STYXL2: variants seen among roughly 807,000 people sequenced by gnomAD.
The protein encoded by STYXL2 is serine/threonine/tyrosine-interacting-like protein 2.
In STYXL2, 44 loss-of-function variants were observed where a neutral mutation model predicts 52.4. That is an observed-to-expected ratio of 0.84 (90% CI 0.66 to 1.08). The LOEUF (loss-of-function observed/expected upper bound fraction) is 1.08. Among genes scored for constraint, STYXL2 ranks in the 50% least tolerant of loss-of-function variants. The probability of loss-of-function intolerance (pLI) is 0.00; values close to 1 mark genes in which losing one functional copy is unlikely to be tolerated. For synonymous variants in STYXL2, 604 were observed against 586.9 expected, an observed-to-expected ratio of 1.03 and a Z score of -0.42; for missense variants, 1,604 against 1,471.7, an observed-to-expected ratio of 1.09 and a Z score of -1.47.
At chr1:167,124,776 T>C (rs4657633) in intron 5 of STYXL2, among the ~76,000 whole-genome samples, 34,258 of 152,104 alleles carry the variant, frequency 0.23, 4,784 homozygotes, top group East Asian at 0.73. Context: ...TTGACGGATG[T>C]AAAAGATAAC....
At chr1:167,117,675 G>A (rs1667758005) in intron 4 of STYXL2, 116 bp downstream of exon 4, 2 of 924,334 alleles carry the variant, frequency 2.2e-6, no homozygotes, top group Non-Finnish European at 3.2e-6. Context: ...AGCACAATGA[G>A]GCTGCCTAGC....
chr1:167,126,558 C>A lies in STYXL2; in HGVS notation c.1427C>A (p.Thr476Asn), dbSNP rs776871803. ...GCAGACTCGATGTCCTCGGAGAGCA[C>A]CTGGGACGCATGGAACGAGAGGCTG... ...RRADSMSSES[T>N]WDAWNERLLE... The change falls in exon 6 of 6, where the codon ACC (threonine) becomes AAC (asparagine). Residue 476 changes from threonine to asparagine, a missense_variant. By Grantham distance (65) the Thr-to-Asn change is moderately conservative. Coordinates refer to ENST00000361200, the MANE Select transcript of STYXL2 (RefSeq NM_001080426.3). The A allele has an allele frequency of 3.7e-6, 6 of 1,613,772 alleles. No homozygotes were observed. Among genetic ancestry groups the A allele is most frequent in the Admixed American group, 1.7e-5 (1 of 59,996 alleles).
At chr1:167,102,697 T>G (rs957153633) in intron 2 of STYXL2, among the ~76,000 whole-genome samples, 11 of 152,186 alleles carry the variant, frequency 7.2e-5, no homozygotes, top group Non-Finnish European at 1.6e-4. Flanking sequence ...AAATCCTGTA[T>G]TCTAAGAAGC....
rs771122589 is a variant in STYXL2 at position 167,126,877 on chromosome 1, C to T, written c.1746C>T (p.Ser582=). The stretch of plus-strand genomic sequence containing the variant: ...AGGCAGTAGGGGAGAAGAACCCCTC[C>T]GACGTCAGCCTGACAGCCTACCAGG... ...AEEAVGEKNP[S]DVSLTAYQAW... Residue 582 remains serine (S), a synonymous_variant, in exon 6 of 6, where the codon TCC becomes TCT. Transcript: ENST00000361200. 5.8e-5 allele frequency: 93 copies of T among 1,613,026 alleles called. No homozygotes were observed. The highest frequency in any genetic ancestry group is 8.9e-5 in the East Asian group (4 of 44,866).
chr1:167,109,354 G>A (rs1005586506), intron 2 of STYXL2, among the ~76,000 whole-genome samples: 7 of 152,200 alleles, frequency 4.6e-5, no homozygotes, highest in Non-Finnish European at 1.0e-4. Flanking sequence ...GGGGCACAGT[G>A]AAAGTGAGAC....
At chr1:167,111,469 CATATATATATATATATATATATATATAT>C (rs776014246) in intron 2 of STYXL2, among the ~76,000 whole-genome samples, 2 of 79,906 alleles carry the variant, frequency 2.5e-5, no homozygotes, top group African/African-American at 4.3e-5. Flanking sequence ...AAATATGGTA[CATATATATATATATATATATATATATAT>C]ATATATATAT....
In STYXL2 at chr1:167,126,542, A is replaced by T. The variant is rs1264420021; in HGVS notation, c.1411A>T (p.Met471Leu). 1.9e-6 allele frequency: 3 copies of T among 1,613,772 alleles called. No homozygotes were observed. The highest frequency in any genetic ancestry group is 1.7e-6 in the Non-Finnish European group (2 of 1,179,944). The change falls in exon 6 of 6, where the codon ATG becomes TTG. Residue 471 changes from methionine to leucine, a missense_variant. Met to Leu is a conservative substitution (Grantham distance 15). Transcript: ENST00000361200. Reference sequence around the variant, plus strand: ...CGGCAGGAGGCGCCGCGCAGACTCGATGTCCTCGGAGAGCACCTGGGACGC... The same window carrying T: ...CGGCAGGAGGCGCCGCGCAGACTCGTTGTCCTCGGAGAGCACCTGGGACGC... The part of the protein sequence containing the change: ...DHGRRRRADS[M>L]SSESTWDAWN...
intron 2 of STYXL2, among the ~76,000 whole-genome samples, chr1:167,101,274 G>T (rs1465848038): frequency 6.6e-6 from 1 of 152,104 alleles, no homozygotes; most frequent in East Asian, 1.9e-4. Flanking sequence ...ACCACAGTGA[G>T]TTACCGTTAC....
intron 2 of STYXL2, among the ~76,000 whole-genome samples, chr1:167,101,627 A>G (rs1424623426): frequency 6.6e-6 from 1 of 152,102 alleles, no homozygotes; most frequent in African/African-American, 2.4e-5. Context: ...AACAGAGTGA[A>G]ACCCCATCTT....
rs916531612 is a variant in STYXL2 at position 167,119,201 on chromosome 1, C to G, written c.438-48C>G. On this transcript the variant is annotated intron_variant, in intron 4 of 5. Coordinates refer to ENST00000361200, the MANE Select transcript of STYXL2 (RefSeq NM_001080426.3). ...GGCTCACCGTCACAGTGGTGACACA[C>G]CTTTCTAGTTCCGACTCTTGCAAAC... The G allele has an allele frequency of 1.9e-6, 3 of 1,574,986 alleles. No homozygotes were observed. The East Asian group carries it at 6.8e-5, about 36-fold the overall frequency.
At chr1:167,116,004 C>A (rs1221031537) in intron 3 of STYXL2, among the ~76,000 whole-genome samples, 2 of 152,146 alleles carry the variant, frequency 1.3e-5, no homozygotes, top group Non-Finnish European at 2.9e-5. Flanking sequence ...ACCAAGTCTA[C>A]CTTCCAAATG....
intron 2 of STYXL2, among the ~76,000 whole-genome samples, chr1:167,106,613 G>A (rs1268073092): frequency 6.6e-6 from 1 of 152,142 alleles, no homozygotes; most frequent in Non-Finnish European, 1.5e-5. Flanking sequence ...AATAAATATT[G>A]TTGAAATGGA....
intron 2 of STYXL2, among the ~76,000 whole-genome samples, chr1:167,101,027 G>A (rs138753057): frequency 1.3e-5 from 2 of 152,252 alleles, no homozygotes; most frequent in African/African-American, 4.8e-5. Context: ...TTTAAAAAAT[G>A]AAAACAGAAC....
At chr1:167,117,220 A>C in intron 3 of STYXL2, 108 bp from the exon 4 acceptor site, 1 of 1,008,422 alleles carries the variant, frequency 9.9e-7, no homozygotes, top group Non-Finnish European at 1.5e-6. Flanking sequence ...CATTCAGTCC[A>C]TGCCCAGAAT....
In STYXL2 at chr1:167,125,933, C is replaced by T; in HGVS notation, c.802C>T (p.Leu268=). Residue 268 remains leucine, a synonymous_variant, in exon 6 of 6, where the codon CTG becomes TTG. Coordinates refer to ENST00000361200, the MANE Select transcript of STYXL2 (RefSeq NM_001080426.3). ...KRAIYPNEGF[L]KQLRELNEKL... is the part of the protein sequence containing the mutation. ...GGCCATCTACCCCAATGAGGGCTTC[C>T]TGAAGCAGCTGCGGGAGCTCAATGA... is the stretch of plus-strand genomic sequence containing the variant. 5 of 1,614,064 alleles carry T rather than the reference C, an allele frequency of 3.1e-6. No homozygotes were observed. Among genetic ancestry groups the T allele is most frequent in the Non-Finnish European group, 4.2e-6 (5 of 1,180,016 alleles).
intron 2 of STYXL2, among the ~76,000 whole-genome samples, chr1:167,097,808 G>C (rs1667320532): frequency 6.6e-6 from 1 of 151,868 alleles, no homozygotes; most frequent in Non-Finnish European, 1.5e-5. Flanking sequence ...AAAAGACAAA[G>C]ATGGTCAAAC....
chr1:167,126,478 G>A lies in STYXL2; in HGVS notation c.1347G>A (p.Trp449Ter), dbSNP rs1571349109. Reference protein sequence around the residue: ...AWESVSSHDIWVLKQQLELNR... With the variant: ...AWESVSSHDI ...AGAGCGTGAGCAGCCACGACATCTG[G>A]GTCCTGAAGCAGCAGCTGGAGCTGA... is the stretch of plus-strand genomic sequence containing the variant. Residue 449 changes from tryptophan to a stop codon, truncating the protein, a stop_gained, in exon 6 of 6, where the codon TGG becomes TGA. Transcript: ENST00000361200. LOFTEE classifies it low-confidence loss of function (END_TRUNC). The A allele has an allele frequency of 1.2e-6, 2 of 1,603,866 alleles. No individual in the cohort carries two copies. Among genetic ancestry groups the A allele is most frequent in the East Asian group, 2.2e-5 (1 of 44,474 alleles).
intron 2 of STYXL2, among the ~76,000 whole-genome samples, chr1:167,099,192 T>G (rs1324291344): frequency 6.6e-6 from 1 of 152,074 alleles, no homozygotes; most frequent in African/African-American, 2.4e-5. Flanking sequence ...CTGACAGAAC[T>G]GAATGAAAAA....
intron 2 of STYXL2, among the ~76,000 whole-genome samples, chr1:167,098,353 G>A (rs1667336087): frequency 6.6e-6 from 1 of 151,950 alleles, no homozygotes; most frequent in Non-Finnish European, 1.5e-5. Context: ...TCACATGCCT[G>A]TAGCCTCAGC....
Sources: allele counts gnomAD v4.1 joint callset (sites outside exome capture counted in the v4.1 genomes callset), GRCh38; gene constraint gnomAD v4.1.1; transcripts MANE v1.5; gene names NCBI Gene and HGNC (gene_info 2026-07-23, HGNC 2026-07-21).